TMEM255A: variants seen among roughly 807,000 people sequenced by gnomAD.
The protein encoded by TMEM255A is family with sequence similarity 70, member A.
Under a neutral mutation model 23.5 loss-of-function variants are expected in TMEM255A, and 14 were observed. The observed-to-expected ratio is 0.60, with a 90% confidence interval of 0.39 to 0.93. The LOEUF is 0.93. TMEM255A is among the 40% of genes least tolerant of loss of function. The pLI is 0.00. For missense variants in TMEM255A, 233 were observed against 261.7 expected, an observed-to-expected ratio of 0.89 and a Z score of 0.76; for synonymous variants, 104 against 100.3, an observed-to-expected ratio of 1.04 and a Z score of -0.22.
chrX:120,283,169 G>A (rs782717597), intron 6 of TMEM255A, among the ~76,000 whole-genome samples: 1 of 111,405 alleles, frequency 9.0e-6, no homozygotes, highest in Non-Finnish European at 1.9e-5. Context: ...GTAAGGATGG[G>A]CTGAGGAAGT....
At chrX:120,290,391 T>G (rs2057906715) in intron 4 of TMEM255A, among the ~76,000 whole-genome samples, 1 of 111,719 alleles carries the variant, frequency 9.0e-6, no homozygotes, top group African/African-American at 3.3e-5. Context: ...ATCACAGGAT[T>G]ACTGTGGGTT....
intron 3 of TMEM255A, among the ~76,000 whole-genome samples, chrX:120,293,326 C>G (rs1556023362): frequency 8.9e-6 from 1 of 112,850 alleles, no homozygotes; most frequent in East Asian, 2.8e-4. Context: ...CAGATTGAAC[C>G]AGGAAAGTAT....
chrX:120,296,278 G>T (rs1298484723), intron 2 of TMEM255A, among the ~76,000 whole-genome samples: 4 of 110,957 alleles, frequency 3.6e-5, no homozygotes, highest in African/African-American at 9.9e-5. Context: ...GTGACCAGAA[G>T]AGGTGGGTGG....
intron 6 of TMEM255A, among the ~76,000 whole-genome samples, chrX:120,280,539 T>C (rs1472294013): frequency 1.8e-5 from 2 of 110,357 alleles, no homozygotes; most frequent in South Asian, 3.9e-4. Context: ...GTTCAGTCTC[T>C]GGGCAGAGCT....
Position 120,311,241 on chromosome X carries a change from G to T in TMEM255A, c.58+11C>A. On this transcript the variant is annotated intron_variant, in intron 1 of 8. Coordinates refer to ENST00000371369, the MANE Select transcript of TMEM255A (RefSeq NM_001104544.3). ...GCTGCCGCCGCCCGAAGGAAGGGCCGCTAGACTTACCCATGGAATCGGGCA... is the reference window on the plus strand; with the variant it reads ...GCTGCCGCCGCCCGAAGGAAGGGCCTCTAGACTTACCCATGGAATCGGGCA... 1 of 1,175,859 alleles carries T rather than the reference G, an allele frequency of 8.5e-7. No homozygotes were observed. Among genetic ancestry groups the T allele is most frequent in the Admixed American group, 2.4e-5 (1 of 40,836 alleles).
At chrX:120,252,104 G>T in the TMEM255A span, among the ~76,000 whole-genome samples, 1 of 111,564 alleles carries the variant, frequency 9.0e-6, no homozygotes, top group African/African-American at 3.3e-5. Context: ...TTTAAATCTT[G>T]ATTTTTAGAC....
At chrX:120,270,082 G>A (rs573005589) in intron 7 of TMEM255A, among the ~76,000 whole-genome samples, 92 of 111,522 alleles carry the variant, frequency 8.2e-4, no homozygotes, top group African/African-American at 2.8e-3. Context: ...TCTCTGAAGA[G>A]AAGACAGTCA....
Position 120,268,362 on chromosome X carries a change from C to G in TMEM255A, c.701G>C (p.Cys234Ser). Residue 234 changes from cysteine to serine, a missense_variant, in exon 8 of 9, where the codon TGT (cysteine) becomes TCT (serine). Physicochemically the swap from Cys to Ser is moderately radical, Grantham distance 112 (BLOSUM62 -1). Transcript: ENST00000371369. ...TGTTGGATGGGTATTTTCAACAGAACAGTTCAGTGCTGGGAGAGTTGGGTT... is the reference window on the plus strand; with the variant it reads ...TGTTGGATGGGTATTTTCAACAGAAGAGTTCAGTGCTGGGAGAGTTGGGTT... ...DMNPTLPALN[C>S]SVENTHPTVS... 8.3e-7 allele frequency: 1 copy of G among 1,206,725 alleles called. No homozygotes were observed.
At chrX:120,294,387 T>C (rs1300224425) in intron 2 of TMEM255A, among the ~76,000 whole-genome samples, 1 of 99,924 alleles carries the variant, frequency 1.0e-5, no homozygotes, top group African/African-American at 3.8e-5. Context: ...TGAGCCGAGA[T>C]CCTGCCACTG....
chrX:120,288,883 A>G lies in TMEM255A; in HGVS notation c.355-1661T>C, dbSNP rs782811729. ...AAAGAAAACTATGGTACAAGAAGGT[A>G]AAGTGATTTTCCAAGCTAGTTAATG... On this transcript the variant is annotated intron_variant, in intron 4 of 8. Transcript: ENST00000371369. 2.7e-5 allele frequency among the ~76,000 whole-genome samples: 3 copies of G among 112,443 alleles called. No homozygotes were observed. The East Asian group carries it at 8.3e-4, about 31-fold the overall frequency.
At chrX:120,271,819 A>G (rs375591421) in intron 7 of TMEM255A, among the ~76,000 whole-genome samples, 48 of 111,804 alleles carry the variant, frequency 4.3e-4, no homozygotes, top group African/African-American at 1.4e-3. Flanking sequence ...AGATTCTTAG[A>G]TATAACACTA....
At chrX:120,309,364 C>A (rs1028439737) in intron 1 of TMEM255A, among the ~76,000 whole-genome samples, 1 of 113,141 alleles carries the variant, frequency 8.8e-6, no homozygotes. Flanking sequence ...TCGCTGAGGG[C>A]CCCTGGGAGC....
chrX:120,272,410 G>C (rs782106340), intron 7 of TMEM255A, among the ~76,000 whole-genome samples: 1 of 111,382 alleles, frequency 9.0e-6, no homozygotes, highest in Non-Finnish European at 1.9e-5. Flanking sequence ...ATACGGTTTG[G>C]ATTTGTGTCC....
intron 2 of TMEM255A, among the ~76,000 whole-genome samples, chrX:120,297,827 A>G (rs1273128107): frequency 1.8e-5 from 2 of 111,105 alleles, no homozygotes; most frequent in Non-Finnish European, 3.8e-5. Flanking sequence ...CCCCCTAGAG[A>G]AGAAGTTCTC....
chrX:120,285,099 A>T (rs2057864014), intron 6 of TMEM255A, 28 bp downstream of exon 6: 1 of 1,154,784 alleles, frequency 8.7e-7, no homozygotes, highest in Non-Finnish European at 1.2e-6. Context: ...TCAGACCATT[A>T]TTCCTGTGTC....
intron 5 of TMEM255A, chrX:120,285,795 G>T: frequency 8.4e-7 from 1 of 1,196,857 alleles, no homozygotes; most frequent in Non-Finnish European, 1.1e-6. Flanking sequence ...ACGCAAGAAA[G>T]CTATCACAAC....
intron 5 of TMEM255A, chrX:120,286,061 T>C (rs1418451893): frequency 1.5e-5 from 6 of 410,118 alleles, no homozygotes; most frequent in Non-Finnish European, 2.3e-5. Flanking sequence ...TTATCATATA[T>C]GCATTTCTAT....
At chrX:120,251,777 T>G in the TMEM255A span, among the ~76,000 whole-genome samples, 9 of 112,215 alleles carry the variant, frequency 8.0e-5, no homozygotes, top group Non-Finnish European at 1.5e-4. Context: ...CAGACCGACT[T>G]GTGCTGTCTC....
intron 2 of TMEM255A, among the ~76,000 whole-genome samples, chrX:120,296,666 T>C (rs1403881977): frequency 9.2e-5 from 6 of 64,913 alleles, no homozygotes; most frequent in African/African-American, 4.0e-4. Flanking sequence ...TATTATAATA[T>C]AATATATATT....
Sources: gnomAD v4.1 joint callset for allele counts (sites outside exome capture counted in the v4.1 genomes callset) on GRCh38, gnomAD v4.1.1 for gene constraint, MANE v1.5 for transcripts, NCBI Gene and HGNC (gene_info 2026-07-23, HGNC 2026-07-21) for gene names.